RGS22: variants seen among roughly 807,000 people sequenced by gnomAD.
RGS22 encodes the protein regulator of G-protein signaling 22.
Under a neutral mutation model 172.9 loss-of-function variants are expected in RGS22, and 148 were observed. That is an observed-to-expected ratio of 0.86 (90% CI 0.75 to 0.98). The LOEUF (loss-of-function observed/expected upper bound fraction) is 0.98. RGS22 is among the 50% of genes least tolerant of loss of function. RGS22 has a pLI of 0.00. For synonymous variants in RGS22, 458 were observed against 480.2 expected (o/e 0.95, Z 0.60); for missense variants, 1,347 against 1,440.8 (o/e 0.93, Z 1.05).
At chr8:100,024,264 A>G (rs1295301788) in intron 14 of RGS22, among the ~76,000 whole-genome samples, 2 of 152,222 alleles carry the variant, frequency 1.3e-5, no homozygotes, top group Admixed American at 1.3e-4. Flanking sequence ...AAGCCCAGCC[A>G]AGAGCAAACT....
chr8:100,078,504 C>T (rs897148258), intron 4 of RGS22, among the ~76,000 whole-genome samples: 2 of 151,388 alleles, frequency 1.3e-5, no homozygotes, highest in Non-Finnish European at 2.9e-5. Flanking sequence ...TACCATTTTC[C>T]TAGTTGTTTT....
chr8:100,085,848 C>G (rs541723442), intron 3 of RGS22, among the ~76,000 whole-genome samples: 1 of 152,190 alleles, frequency 6.6e-6, no homozygotes, highest in South Asian at 2.1e-4. Flanking sequence ...CTTCATGTCA[C>G]TCTTTAAACC....
intron 14 of RGS22, among the ~76,000 whole-genome samples, chr8:100,014,810 T>C (rs893936942): frequency 6.6e-6 from 1 of 152,206 alleles, no homozygotes; most frequent in Non-Finnish European, 1.5e-5. Flanking sequence ...ATCCCTTCTA[T>C]GCTCTCTACC....
chr8:100,093,243 C>A, intron 3 of RGS22: 1 of 465,132 alleles, frequency 2.1e-6, no homozygotes, highest in Non-Finnish European at 3.9e-6. Flanking sequence ...TAGAAAAACT[C>A]CAGATTTCTT....
intron 9 of RGS22, 29 bp downstream of exon 9, chr8:100,062,562 A>C (rs1810226751): frequency 1.4e-6 from 2 of 1,476,456 alleles, no homozygotes; most frequent in Admixed American, 3.9e-5. Flanking sequence ...AGGAAAGTGA[A>C]AGTAAGTAAC....
At chr8:100,051,767 A>T (rs1418188149) in intron 10 of RGS22, among the ~76,000 whole-genome samples, 1 of 74,924 alleles carries the variant, frequency 1.3e-5, no homozygotes, top group Non-Finnish European at 2.2e-5. Flanking sequence ...TTATATATAA[A>T]TGTTTATATA....
At chr8:100,031,668 A>G (rs975730200) in intron 14 of RGS22, among the ~76,000 whole-genome samples, 4 of 152,036 alleles carry the variant, frequency 2.6e-5, no homozygotes, top group African/African-American at 9.7e-5. Context: ...ATGGAGAGTG[A>G]TAGATTCTAA....
At position 100,003,998 on chromosome 8, in the gene RGS22, T is replaced by C. The variant is rs781284660; in HGVS notation, c.2555A>G (p.Lys852Arg). The change falls in exon 17 of 28, where the codon AAG becomes AGG. Residue 852 changes from lysine (K) to arginine (R), a missense_variant. Physicochemically the swap from Lys to Arg is conservative, Grantham distance 26. Coordinates refer to ENST00000360863, the MANE Select transcript of RGS22 (RefSeq NM_015668.5). The part of the protein sequence containing the change: ...DNVPAEYKHF[K>R]FSDLLNNKLE... The stretch of plus-strand genomic sequence containing the variant: ...TTTGTTGTTAAGCAGATCACTAAAC[T>C]TAAAATGCTTGTATTCTGCAGGAAC... 1.2e-5 allele frequency: 20 copies of C among 1,612,492 alleles called. No homozygotes were observed. The East Asian group carries it at 4.5e-4, about 36-fold the overall frequency.
chr8:100,100,996 T>C (rs1322190834), intron 2 of RGS22, among the ~76,000 whole-genome samples: 1 of 152,228 alleles, frequency 6.6e-6, no homozygotes, highest in Non-Finnish European at 1.5e-5. Context: ...CTACAATGTT[T>C]TTACTCCATA....
chr8:100,014,313 T>C (rs918513479), intron 14 of RGS22, among the ~76,000 whole-genome samples: 1 of 152,206 alleles, frequency 6.6e-6, no homozygotes, highest in African/African-American at 2.4e-5. Context: ...TGCTACAAAG[T>C]TGTTGAAATC....
intron 14 of RGS22, among the ~76,000 whole-genome samples, chr8:100,016,185 A>T (rs1816925197): frequency 6.6e-6 from 1 of 152,240 alleles, no homozygotes; most frequent in African/African-American, 2.4e-5. Context: ...TCTAATTCTC[A>T]GTCATATTAA....
chr8:100,054,735 T>G (rs1465946635), intron 9 of RGS22, among the ~76,000 whole-genome samples: 2 of 152,140 alleles, frequency 1.3e-5, no homozygotes, highest in African/African-American at 4.8e-5. Context: ...ATCTCTGTGG[T>G]CATTCTCTAC....
At chr8:100,081,557 G>T (rs192401928) in intron 3 of RGS22, among the ~76,000 whole-genome samples, 1 of 151,970 alleles carries the variant, frequency 6.6e-6, no homozygotes, top group African/African-American at 2.4e-5. Flanking sequence ...GAGTAAGAAA[G>T]AATTAGCCAT....
rs530424754 is a variant in RGS22 at position 100,086,551 on chromosome 8, C to A, written c.118-6196G>T. Reference sequence around the variant, plus strand: ...AAATGGCAACAATAGACACTGGGGACAACTAGATGGGAGAGGGAAGGATGG... The same window carrying A: ...AAATGGCAACAATAGACACTGGGGAAAACTAGATGGGAGAGGGAAGGATGG... On this transcript the variant is annotated intron_variant, in intron 3 of 27. Coordinates refer to ENST00000360863, the MANE Select transcript of RGS22 (RefSeq NM_015668.5). Among the ~76,000 whole-genome samples the A allele has an allele frequency of 2.0e-5, 3 of 151,946 alleles. No individual in the cohort carries two copies. In the South Asian group the frequency reaches 6.2e-4, roughly 32 times the overall value.
chr8:99,974,291 G>GCAC (rs1158755405), intron 23 of RGS22, among the ~76,000 whole-genome samples: 2 of 152,094 alleles, frequency 1.3e-5, no homozygotes, highest in African/African-American at 4.8e-5. Context: ...TTGGGGAGGG[G>GCAC]TGATTTTATC....
Position 100,105,886 on chromosome 8 carries a change from C to T in RGS22, c.25+11G>A, listed in dbSNP as rs1426233513. 12 of 1,503,252 alleles carry T rather than the reference C, an allele frequency of 8.0e-6. No homozygotes were observed. Among genetic ancestry groups the T allele is most frequent in the South Asian group, 1.3e-5 (1 of 79,570 alleles). The allele number at this position is 1,503,252 out of a possible 1,614,324, so 93.1% of individuals were successfully genotyped here. ...GGGCTGATCCTCTGTCCCTGTGGGG[C>T]CGCCACCTACCCGCGGTGAGCCTCT... On this transcript the variant is annotated intron_variant, in intron 1 of 27. Transcript: ENST00000360863.
rs530508192 is a variant in RGS22, at chr8:100,072,958, T to C, written c.340-728A>G. On this transcript the variant is annotated intron_variant, in intron 4 of 27. Coordinates refer to ENST00000360863, the MANE Select transcript of RGS22 (RefSeq NM_015668.5). The stretch of plus-strand genomic sequence containing the variant: ...AGGTAGAAAGGGTCATGATTGCAAA[T>C]AGCCTTTTAAATAACATTAAGGAGT... 2.0e-5 allele frequency among the ~76,000 whole-genome samples: 3 copies of C among 152,258 alleles called. No homozygotes were observed. In the East Asian group the frequency reaches 5.8e-4, roughly 29 times the overall value.
intron 4 of RGS22, among the ~76,000 whole-genome samples, chr8:100,074,134 A>G (rs375147081): frequency 1.3e-5 from 2 of 152,244 alleles, no homozygotes; most frequent in African/African-American, 4.8e-5. Context: ...GGCTTTAGGT[A>G]AATCAATACA....
chr8:99,967,885 A>T (rs1003431152), intron 23 of RGS22, among the ~76,000 whole-genome samples: 9 of 152,200 alleles, frequency 5.9e-5, no homozygotes, highest in Admixed American at 2.0e-4. Flanking sequence ...AGCTCTGCTA[A>T]GGGACAGACT....
Sources: gnomAD v4.1 joint callset for allele counts (sites outside exome capture counted in the v4.1 genomes callset) on GRCh38, gnomAD v4.1.1 for gene constraint, MANE v1.5 for transcripts, NCBI Gene and HGNC (gene_info 2026-07-23, HGNC 2026-07-21) for gene names.